DMD: variants seen among roughly 807,000 people sequenced by gnomAD.
DMD encodes dystrophin.
Under a neutral mutation model 330.1 loss-of-function variants are expected in DMD, and 63 were observed. The observed-to-expected ratio is 0.19, with a 90% CI of 0.16 to 0.24. The LOEUF is 0.24. Ranked by LOEUF, DMD falls within the 10% of genes least tolerant of loss-of-function variation. The pLI is 1.00. For synonymous variants in DMD, 1,223 were observed against 959.8 expected (o/e 1.27, Z -5.07); for missense variants, 3,344 against 2,684.1 (o/e 1.25, Z -5.43).
chrX:32,663,488 T>TATACATTCA (rs1271851444), intron 9 of DMD, among the ~76,000 whole-genome samples: 1 of 111,957 alleles, frequency 8.9e-6, no homozygotes, highest in Non-Finnish European at 1.9e-5. Context: ...AAAGAGCCTT[T>TATACATTCA]ATACATTCAA....
chrX:32,649,423 G>A (rs780321586), intron 9 of DMD, among the ~76,000 whole-genome samples: 6 of 108,818 alleles, frequency 5.5e-5, no homozygotes, highest in East Asian at 5.8e-4. Flanking sequence ...GCGCGGTGGC[G>A]GCGCCTGTAG....
rs192479413 is a variant in DMD, at chrX:32,801,857, C to T, written c.649+7636G>A. Among the ~76,000 whole-genome samples, 14 of 110,539 alleles carry T rather than the reference C, an allele frequency of 1.3e-4. No homozygotes were observed. The East Asian group carries it at 4.0e-3, about 32-fold the overall frequency. The stretch of plus-strand genomic sequence containing the variant: ...TATTTCTGAGGCCTCTGTTCTGTTC[C>T]ATTCGTCTATGTATCTGTTCTGGTA... On this transcript the variant is annotated intron_variant, in intron 7 of 78. Transcript: ENST00000357033.
At chrX:32,383,713 T>C (rs1415895706) in intron 33 of DMD, among the ~76,000 whole-genome samples, 2 of 110,806 alleles carry the variant, frequency 1.8e-5, no homozygotes, top group East Asian at 5.6e-4. Context: ...GGCAAATGGT[T>C]AGAATAAACA....
chrX:32,684,449 T>C (rs1398000139), intron 9 of DMD, among the ~76,000 whole-genome samples: 1 of 111,394 alleles, frequency 9.0e-6, no homozygotes, highest in African/African-American at 3.2e-5. Flanking sequence ...TATTAAACTT[T>C]CCCTCTTTGA....
intron 1 of DMD, among the ~76,000 whole-genome samples, chrX:33,170,272 G>A (rs2049272079): frequency 9.0e-6 from 1 of 111,451 alleles, no homozygotes; most frequent in African/African-American, 3.2e-5. Context: ...TTTTATTTAT[G>A]CAAAATCTAA....
intron 32 of DMD, among the ~76,000 whole-genome samples, chrX:32,387,361 T>C (rs2097966110): frequency 9.0e-6 from 1 of 111,205 alleles, no homozygotes; most frequent in Admixed American, 9.6e-5. Context: ...CGTGTGTGTA[T>C]ATACGTATAC....
At chrX:32,736,090 C>G (rs1369996751) in intron 7 of DMD, among the ~76,000 whole-genome samples, 1 of 111,926 alleles carries the variant, frequency 8.9e-6, no homozygotes, top group African/African-American at 3.3e-5. Flanking sequence ...ACAACCCCAT[C>G]AAAAAGTGGG....
intron 47 of DMD, among the ~76,000 whole-genome samples, chrX:31,917,903 G>A (rs2094630601): frequency 9.0e-6 from 1 of 111,672 alleles, no homozygotes; most frequent in Admixed American, 9.5e-5. Context: ...TTCCCCTAAC[G>A]TGCACAGTTT....
At chrX:32,842,204 T>G (rs911384041) in intron 4 of DMD, among the ~76,000 whole-genome samples, 1 of 112,032 alleles carries the variant, frequency 8.9e-6, no homozygotes, top group Non-Finnish European at 1.9e-5. Context: ...CTGTTGACAA[T>G]CAGCGAAACG....
At chrX:31,346,389 A>G (rs778027371) in intron 61 of DMD, among the ~76,000 whole-genome samples, 7 of 111,659 alleles carry the variant, frequency 6.3e-5, no homozygotes, top group Non-Finnish European at 1.1e-4. Context: ...AATGATGGAT[A>G]AACCCTCATA....
intron 48 of DMD, among the ~76,000 whole-genome samples, chrX:31,873,026 G>T (rs1035658316): frequency 3.6e-5 from 4 of 111,317 alleles, no homozygotes; most frequent in Non-Finnish European, 7.5e-5. Flanking sequence ...AATTCAGGGT[G>T]ATGGGACATC....
intron 62 of DMD, among the ~76,000 whole-genome samples, chrX:31,302,365 AAAAG>A (rs1336660918): frequency 7.2e-5 from 8 of 111,824 alleles, no homozygotes; most frequent in African/African-American, 2.3e-4. Context: ...CTCTTGAGGG[AAAAG>A]AAAGACAATA....
At chrX:32,252,753 T>A (rs867803450) in intron 43 of DMD, among the ~76,000 whole-genome samples, 10 of 42,257 alleles carry the variant, frequency 2.4e-4, no homozygotes, top group African/African-American at 1.2e-3. Context: ...TAAATATATA[T>A]AAATATATAA....
chrX:32,591,863 C>G (rs1453496482), intron 13 of DMD, among the ~76,000 whole-genome samples: 1 of 113,131 alleles, frequency 8.8e-6, no homozygotes, highest in Non-Finnish European at 1.9e-5. Flanking sequence ...TGCTCCCACT[C>G]CCTGGCATCT....
At chrX:32,960,780 G>C (rs1045442195) in intron 2 of DMD, among the ~76,000 whole-genome samples, 1 of 110,221 alleles carries the variant, frequency 9.1e-6, no homozygotes, top group Non-Finnish European at 1.9e-5. Flanking sequence ...TGGATAACTG[G>C]TTATTTAGTT....
intron 34 of DMD, among the ~76,000 whole-genome samples, chrX:32,376,725 T>C (rs1243427510): frequency 9.1e-6 from 1 of 109,713 alleles, no homozygotes; most frequent in Non-Finnish European, 1.9e-5. Flanking sequence ...TTTTTTTTTT[T>C]CTCATAAAAA....
intron 24 of DMD, 112 bp from the exon 25 acceptor site, chrX:32,463,706 T>C (rs1467106471): frequency 4.2e-6 from 3 of 716,332 alleles, no homozygotes; most frequent in Non-Finnish European, 5.7e-6. Flanking sequence ...ATATGGATTT[T>C]TGTCTTTTAA....
chrX:32,777,482 T>A (rs374128967), intron 7 of DMD, among the ~76,000 whole-genome samples: 1 of 110,866 alleles, frequency 9.0e-6, no homozygotes, highest in Non-Finnish European at 1.9e-5. Context: ...TCATTTTCCA[T>A]GTATTCTCAT....
At chrX:32,489,393 G>A (rs1362620899) in intron 20 of DMD, among the ~76,000 whole-genome samples, 1 of 110,535 alleles carries the variant, frequency 9.0e-6, no homozygotes, top group Non-Finnish European at 1.9e-5. Context: ...TATAAAAGGA[G>A]GCAGAGATAA....
Sources: gnomAD v4.1 joint callset for allele counts (sites outside exome capture counted in the v4.1 genomes callset) on GRCh38, gnomAD v4.1.1 for gene constraint, MANE v1.5 for transcripts, NCBI Gene and HGNC (gene_info 2026-07-23, HGNC 2026-07-21) for gene names.